Variants in HSD17B2 observed in about 807,000 individuals in gnomAD.
HSD17B2 encodes hydroxysteroid 17-beta dehydrogenase 2.
In HSD17B2, 32 loss-of-function variants were observed where a neutral mutation model predicts 26.9. The observed-to-expected ratio is 1.19, with a 90% CI of 0.90 to 1.60. The LOEUF (loss-of-function observed/expected upper bound fraction) is 1.60. HSD17B2 is among the 40% of genes most tolerant of loss of function. The probability of loss-of-function intolerance (pLI) is 0.00; values close to 1 mark genes in which losing one functional copy is unlikely to be tolerated. For missense variants in HSD17B2, 613 were observed against 468.6 expected, an observed-to-expected ratio of 1.31 and a Z score of -2.85; for synonymous variants, 246 against 186.7, an observed-to-expected ratio of 1.32 and a Z score of -2.59.
At chr16:82,085,697 T>G (rs538369143) in intron 3 of HSD17B2, among the ~76,000 whole-genome samples, 1 of 152,244 alleles carries the variant, frequency 6.6e-6, no homozygotes, top group African/African-American at 2.4e-5. Flanking sequence ...CTTGGAGATC[T>G]TGCTAAAAGG....
chr16:82,096,144 A>G (rs1397640983), intron 4 of HSD17B2: 1 of 152,202 alleles, frequency 6.6e-6, no homozygotes, highest in African/African-American at 2.4e-5. Flanking sequence ...AATTATATTA[A>G]AATTACACTT....
intron 1 of HSD17B2, among the ~76,000 whole-genome samples, chr16:82,047,834 C>T (rs1913982074): frequency 6.6e-6 from 1 of 152,212 alleles, no homozygotes; most frequent in Admixed American, 6.5e-5. Context: ...CAGGGAGGCA[C>T]TATGGCCCCA....
intron 1 of HSD17B2, among the ~76,000 whole-genome samples, chr16:82,060,751 G>A (rs138180394): frequency 3.3e-5 from 5 of 152,168 alleles, no homozygotes; most frequent in Non-Finnish European, 5.9e-5. Context: ...ACCTTAAGCT[G>A]CTGGTAGTTG....
intron 1 of HSD17B2, among the ~76,000 whole-genome samples, chr16:82,061,087 C>T (rs1914425785): frequency 1.3e-5 from 2 of 151,890 alleles, no homozygotes; most frequent in South Asian, 2.1e-4. Flanking sequence ...GGTGAAACCC[C>T]GTCTCTATTA....
At chr16:82,064,697 T>G (rs1408358871) in intron 1 of HSD17B2, among the ~76,000 whole-genome samples, 1 of 152,204 alleles carries the variant, frequency 6.6e-6, no homozygotes, top group Non-Finnish European at 1.5e-5. Context: ...TGGAATTTCT[T>G]AAAGCATACA....
chr16:82,095,506 G>A (rs776954717), intron 4 of HSD17B2: 2 of 152,844 alleles, frequency 1.3e-5, no homozygotes, highest in Non-Finnish European at 2.9e-5. Flanking sequence ...AAGCTTTTTG[G>A]AAAGTAATCT....
At chr16:82,059,768 C>T (rs779728399) in intron 1 of HSD17B2, among the ~76,000 whole-genome samples, 10 of 152,142 alleles carry the variant, frequency 6.6e-5, no homozygotes, top group Non-Finnish European at 8.8e-5. Context: ...CTGGGTTTCA[C>T]GGCTGACTCT....
intron 1 of HSD17B2, among the ~76,000 whole-genome samples, chr16:82,066,683 C>T (rs1914580146): frequency 1.3e-5 from 2 of 152,010 alleles, no homozygotes; most frequent in Non-Finnish European, 2.9e-5. Context: ...CCACACCTCG[C>T]TATTTATGGC....
At chr16:82,090,711 G>T (rs1904666583) in intron 3 of HSD17B2, among the ~76,000 whole-genome samples, 191 bp from the exon 4 acceptor site, 1 of 152,178 alleles carries the variant, frequency 6.6e-6, no homozygotes, top group Non-Finnish European at 1.5e-5. Flanking sequence ...AAAGAAGGCA[G>T]AAGCAAATGA....
intron 3 of HSD17B2, among the ~76,000 whole-genome samples, chr16:82,089,804 T>G (rs1904630970): frequency 6.6e-6 from 1 of 152,166 alleles, no homozygotes; most frequent in South Asian, 2.1e-4. Flanking sequence ...CTGTCTCTGA[T>G]AAGGACACCC....
chr16:82,096,304 C>G (rs1399787724), intron 4 of HSD17B2: 1 of 152,130 alleles, frequency 6.6e-6, no homozygotes, highest in Non-Finnish European at 1.5e-5. Context: ...TCACTGTAAC[C>G]TCTGCCTCCT....
chr16:82,037,803 C>T (rs903684317), intron 1 of HSD17B2, among the ~76,000 whole-genome samples: 42 of 152,166 alleles, frequency 2.8e-4, no homozygotes, highest in Non-Finnish European at 1.8e-4. Flanking sequence ...CAGGAAATCC[C>T]AGGGTTGGAA....
At chr16:82,078,244 GAAGAT>G (rs1284562667) in intron 3 of HSD17B2, among the ~76,000 whole-genome samples, 1 of 152,180 alleles carries the variant, frequency 6.6e-6, no homozygotes, top group Non-Finnish European at 1.5e-5. Context: ...TTTCTCAAAA[GAAGAT>G]AAGACATACA....
chr16:82,036,650 T>A (rs1246955215), intron 1 of HSD17B2, among the ~76,000 whole-genome samples: 3 of 152,148 alleles, frequency 2.0e-5, no homozygotes, highest in African/African-American at 7.2e-5. Flanking sequence ...GTTTTTGGGT[T>A]AAAGTAAAAT....
intron 1 of HSD17B2, chr16:82,056,539 G>C (rs1914275158): frequency 6.6e-6 from 1 of 152,182 alleles, no homozygotes; most frequent in African/African-American, 2.4e-5. Flanking sequence ...GCTGTTGTAA[G>C]TCAGGATCGT....
chr16:82,094,488 C>T (rs1451188843), intron 4 of HSD17B2: 1 of 152,170 alleles, frequency 6.6e-6, no homozygotes, highest in Non-Finnish European at 1.5e-5. Context: ...CCCACGTACA[C>T]CGTGATGGTG....
chr16:82,084,835 C>T (rs769652567), intron 3 of HSD17B2, among the ~76,000 whole-genome samples: 7 of 152,186 alleles, frequency 4.6e-5, no homozygotes, highest in Non-Finnish European at 8.8e-5. Context: ...TGGGCTCAAG[C>T]GATCCTCCCA....
chr16:82,042,955 A>T (rs16956292), intron 1 of HSD17B2, among the ~76,000 whole-genome samples: 5,006 of 152,284 alleles, frequency 0.033, 286 homozygotes, highest in African/African-American at 0.11. Context: ...CATAGATCAA[A>T]CAGAACACAT....
chr16:82,093,216 A>G (rs1904743225), intron 4 of HSD17B2: 1 of 152,204 alleles, frequency 6.6e-6, no homozygotes, highest in Admixed American at 6.5e-5. Flanking sequence ...ATCCTCTACC[A>G]TCACAGCCCT....
Sources: allele counts gnomAD v4.1 joint callset (sites outside exome capture counted in the v4.1 genomes callset), GRCh38; gene constraint gnomAD v4.1.1; transcripts MANE v1.5; gene names NCBI Gene and HGNC (gene_info 2026-07-23, HGNC 2026-07-21).